TSHZ2: variants seen among roughly 807,000 people sequenced by gnomAD.
TSHZ2 encodes the protein teashirt zinc finger homeobox 2, also known as teashirt homolog 2.
Under a neutral mutation model 74.4 loss-of-function variants are expected in TSHZ2, and 21 were observed. The ratio of observed to expected loss-of-function variants is 0.28; its 90% CI spans 0.20 to 0.41. TSHZ2 has a LOEUF of 0.41. TSHZ2 is among the 10% of genes least tolerant of loss of function. TSHZ2 has a pLI of 1.00. For synonymous variants in TSHZ2, 540 were observed against 515.3 expected (o/e 1.05, Z -0.65); for missense variants, 1,244 against 1,293.5 (o/e 0.96, Z 0.59).
chr20:53,370,197 G>A (rs1341770056), intron 2 of TSHZ2, among the ~76,000 whole-genome samples: 1 of 152,112 alleles, frequency 6.6e-6, no homozygotes, highest in Admixed American at 6.6e-5. Flanking sequence ...TCAGAGAGCA[G>A]CTTTAAAGAA....
chr20:53,433,717 T>C (rs546920476), intron 2 of TSHZ2, among the ~76,000 whole-genome samples: 1 of 152,292 alleles, frequency 6.6e-6, no homozygotes, highest in East Asian at 1.9e-4. Context: ...AAGAATGTTC[T>C]GTCAGTCCTT....
At chr20:53,004,048 C>T (rs767452531) in intron 1 of TSHZ2, among the ~76,000 whole-genome samples, 3 of 152,042 alleles carry the variant, frequency 2.0e-5, no homozygotes, top group Admixed American at 1.3e-4. Flanking sequence ...TGAAAGCAGG[C>T]GAAACCCTAT....
intron 2 of TSHZ2, among the ~76,000 whole-genome samples, chr20:53,357,522 A>T (rs1285478779): frequency 6.6e-6 from 1 of 152,114 alleles, no homozygotes; most frequent in African/African-American, 2.4e-5. Flanking sequence ...AAAAAATAAA[A>T]TTAAATAAAA....
intron 1 of TSHZ2, among the ~76,000 whole-genome samples, chr20:53,187,922 C>A (rs530922098): frequency 1.5e-4 from 23 of 152,190 alleles, no homozygotes; most frequent in African/African-American, 5.5e-4. Context: ...CTCCTGCTAC[C>A]CTTAAACCAC....
At chr20:53,400,210 C>T (rs1982606992) in intron 2 of TSHZ2, 1 of 152,250 alleles carries the variant, frequency 6.6e-6, no homozygotes, top group Non-Finnish European at 1.5e-5. Flanking sequence ...ACAGGCTAGC[C>T]ACACGTTGTA....
rs548809553 is a variant in TSHZ2, at chr20:53,129,688, CAATG to C, written c.41-123804_41-123801del. Among the ~76,000 whole-genome samples the C allele has an allele frequency of 1.4e-3, 217 of 152,242 alleles. 1 individual carries two copies. Among genetic ancestry groups the C allele is most frequent in the Non-Finnish European group, 2.6e-3 (177 of 68,026 alleles). ...ATCACCAGGAAAATATGCACACACA[CAATG>C]AATGAAGGTCGGCGCTGACGGTGCA... On this transcript the variant is annotated intron_variant, in intron 1 of 2. Coordinates refer to ENST00000371497, the MANE Select transcript of TSHZ2 (RefSeq NM_173485.6).
rs149314237 is a variant in TSHZ2 at position 53,450,109 on chromosome 20, G to A, written c.*9-37035G>A. ...TCTTGCTGAATTGTGATTCATAGAA[G>A]GCACTGGCTATGCCTTACTCATTTA... On this transcript the variant is annotated intron_variant, in intron 2 of 2. Transcript: ENST00000371497. Among the ~76,000 whole-genome samples, 62 of 152,318 alleles carry A rather than the reference G, an allele frequency of 4.1e-4. 2 individuals carry two copies. In the East Asian group the frequency reaches 9.6e-3, roughly 24 times the overall value.
At chr20:53,309,379 T>A (rs1978683228) in intron 2 of TSHZ2, among the ~76,000 whole-genome samples, 1 of 150,510 alleles carries the variant, frequency 6.6e-6, no homozygotes, top group African/African-American at 2.5e-5. Flanking sequence ...AGCCTTTCAC[T>A]GAATGCAATG....
intron 1 of TSHZ2, among the ~76,000 whole-genome samples, chr20:53,082,898 A>G (rs574231739): frequency 8.5e-5 from 13 of 152,336 alleles, no homozygotes; most frequent in Non-Finnish European, 1.5e-4. Flanking sequence ...AGCAAATTTC[A>G]AATTCTTCTC....
At chr20:53,392,063 A>G (rs1982277791) in intron 2 of TSHZ2, among the ~76,000 whole-genome samples, 1 of 152,244 alleles carries the variant, frequency 6.6e-6, no homozygotes, top group Admixed American at 6.5e-5. Context: ...AATACTTAGA[A>G]TAATAAAGAC....
intron 1 of TSHZ2, among the ~76,000 whole-genome samples, chr20:53,141,810 TC>T (rs1473105227): frequency 6.6e-6 from 1 of 152,232 alleles, no homozygotes; most frequent in Non-Finnish European, 1.5e-5. Context: ...GATGAAGTGT[TC>T]CTGCTGATAG....
intron 2 of TSHZ2, among the ~76,000 whole-genome samples, chr20:53,334,668 G>A (rs984607562): frequency 2.6e-5 from 4 of 151,974 alleles, no homozygotes; most frequent in Non-Finnish European, 4.4e-5. Flanking sequence ...GAGGAGTGAC[G>A]TGGATTTACT....
At chr20:53,150,969 G>C (rs1475820501) in intron 1 of TSHZ2, among the ~76,000 whole-genome samples, 1 of 152,110 alleles carries the variant, frequency 6.6e-6, no homozygotes, top group Non-Finnish European at 1.5e-5. Flanking sequence ...TAGCTATTAG[G>C]TAATCTAGTT....
At chr20:53,111,419 G>T (rs56785541) in intron 1 of TSHZ2, among the ~76,000 whole-genome samples, 5 of 152,052 alleles carry the variant, frequency 3.3e-5, no homozygotes, top group Admixed American at 3.3e-4. Flanking sequence ...CATGAAAGGG[G>T]CTCTGATCCC....
At chr20:52,997,592 G>A (rs1399986977) in intron 1 of TSHZ2, among the ~76,000 whole-genome samples, 2 of 151,516 alleles carry the variant, frequency 1.3e-5, no homozygotes, top group African/African-American at 4.8e-5. Context: ...AAAAATGCCT[G>A]GGCTGTCCTC....
chr20:53,008,244 G>C (rs1474841987), intron 1 of TSHZ2, among the ~76,000 whole-genome samples: 2 of 152,190 alleles, frequency 1.3e-5, no homozygotes. Flanking sequence ...AGTAGGTAAA[G>C]GCATTTCAGA....
At chr20:53,423,173 C>A (rs1002889868) in intron 2 of TSHZ2, among the ~76,000 whole-genome samples, 2 of 152,044 alleles carry the variant, frequency 1.3e-5, no homozygotes, top group Non-Finnish European at 2.9e-5. Context: ...CTAAGGCAGG[C>A]GGATATCTTG....
chr20:53,248,158 C>A (rs2123709006), intron 1 of TSHZ2, among the ~76,000 whole-genome samples: 1 of 152,282 alleles, frequency 6.6e-6, no homozygotes, highest in Non-Finnish European at 1.5e-5. Context: ...GCAGCCTCAA[C>A]CTTCTGGGCT....
Position 53,368,029 on chromosome 20 carries a change from G to A in TSHZ2, c.*8+111458G>A, listed in dbSNP as rs145104924. Among the ~76,000 whole-genome samples, 31 of 152,118 alleles carry A rather than the reference G, an allele frequency of 2.0e-4. No homozygotes were observed. In the East Asian group the frequency reaches 5.8e-3, roughly 28 times the overall value. Reference sequence around the variant, plus strand: ...ACTTGTTTATACGTGACGTAGCGCCGATTTCACAGCTTGGACTCATGAAAT... The same window carrying A: ...ACTTGTTTATACGTGACGTAGCGCCAATTTCACAGCTTGGACTCATGAAAT... On this transcript the variant is annotated intron_variant, in intron 2 of 2. Transcript: ENST00000371497.
Sources: allele counts gnomAD v4.1 joint callset (sites outside exome capture counted in the v4.1 genomes callset), GRCh38; gene constraint gnomAD v4.1.1; transcripts MANE v1.5; gene names NCBI Gene and HGNC (gene_info 2026-07-23, HGNC 2026-07-21).